MAD1L1: variants seen among roughly 807,000 people sequenced by gnomAD.
MAD1L1 encodes mitotic arrest deficient 1 like 1.
Under a neutral mutation model 96.9 loss-of-function variants are expected in MAD1L1, and 95 were observed. That is an observed-to-expected ratio of 0.98 (90% CI 0.83 to 1.16). MAD1L1 has a LOEUF of 1.16. MAD1L1 is among the 50% of genes most tolerant of loss of function. MAD1L1 has a pLI of 0.00. For synonymous variants in MAD1L1, 473 were observed against 396.6 expected (o/e 1.19, Z -2.29); for missense variants, 1,007 against 954.4 (o/e 1.06, Z -0.73).
Position 2,121,043 on chromosome 7 carries a change from C to T in MAD1L1, c.1073+28109G>A, listed in dbSNP as rs114777636. Among the ~76,000 whole-genome samples the T allele has an allele frequency of 9.3e-3, 1,415 of 152,292 alleles. 25 individuals carry two copies. The highest frequency in any genetic ancestry group is 0.032 in the African/African-American group (1,329 of 41,564). ...GGGCCCAAGTGGAGTCGCACGGTGA[C>T]GGCAGGGCTCCTGCAGAGGCACACC... On this transcript the variant is annotated intron_variant, in intron 11 of 18. Transcript: ENST00000265854.
chr7:1,832,630 T>TTTTG (rs56664541), intron 18 of MAD1L1, among the ~76,000 whole-genome samples: 1 of 2,346 alleles, frequency 4.3e-4, no homozygotes, highest in Admixed American at 5.4e-3. Flanking sequence ...TTTTTTTTTT[T>TTTTG]GGCGGGGGGG....
At chr7:2,210,296 T>C (rs999467991) in intron 10 of MAD1L1, among the ~76,000 whole-genome samples, 4 of 152,086 alleles carry the variant, frequency 2.6e-5, no homozygotes, top group South Asian at 2.1e-4. Flanking sequence ...ATCTCAAACA[T>C]CTAGGCTCGA....
At chr7:2,109,946 G>A (rs1458182453) in intron 11 of MAD1L1, among the ~76,000 whole-genome samples, 5 of 152,234 alleles carry the variant, frequency 3.3e-5, no homozygotes, top group Admixed American at 2.6e-4. Flanking sequence ...ACAGCGCAGA[G>A]GTCAGGCCAC....
intron 10 of MAD1L1, among the ~76,000 whole-genome samples, chr7:2,208,245 T>G (rs763333815): frequency 6.6e-6 from 1 of 152,110 alleles, no homozygotes; most frequent in East Asian, 1.9e-4. Flanking sequence ...ACATAACCCA[T>G]TTTGGTACAT....
intron 17 of MAD1L1, among the ~76,000 whole-genome samples, chr7:1,924,917 C>T (rs1222835055): frequency 6.6e-6 from 1 of 151,914 alleles, no homozygotes; most frequent in Non-Finnish European, 1.5e-5. Flanking sequence ...GTTAAGCTTG[C>T]ACATTGTAAA....
At chr7:1,825,848 G>C (rs543441393) in intron 18 of MAD1L1, among the ~76,000 whole-genome samples, 1 of 152,102 alleles carries the variant, frequency 6.6e-6, no homozygotes, top group Non-Finnish European at 1.5e-5. Context: ...CCCAGCCCCG[G>C]GGTTGGAGGT....
chr7:2,224,459 G>A (rs186407806), intron 4 of MAD1L1, among the ~76,000 whole-genome samples: 2 of 152,292 alleles, frequency 1.3e-5, no homozygotes, highest in African/African-American at 2.4e-5. Context: ...CCACCCCAGC[G>A]GTGCCTCAGT....
intron 12 of MAD1L1, among the ~76,000 whole-genome samples, chr7:2,039,143 G>T (rs917506153): frequency 1.5e-4 from 23 of 152,170 alleles, no homozygotes; most frequent in Admixed American, 1.5e-3. Flanking sequence ...TTCAGGGACT[G>T]GGCTCTTCGC....
chr7:1,896,379 C>T (rs1583691462), intron 18 of MAD1L1, among the ~76,000 whole-genome samples: 1 of 152,070 alleles, frequency 6.6e-6, no homozygotes, highest in East Asian at 1.9e-4. Flanking sequence ...GCGGCAGGGC[C>T]CATGCTCGAG....
intron 11 of MAD1L1, among the ~76,000 whole-genome samples, chr7:2,075,768 T>C (rs7811645): frequency 0.05 from 7,559 of 152,256 alleles, 642 homozygotes; most frequent in African/African-American, 0.17. Context: ...TATCCCAAAG[T>C]GGCAGGAGAC....
intron 12 of MAD1L1, among the ~76,000 whole-genome samples, chr7:2,049,606 C>T (rs1173780334): frequency 2.0e-5 from 3 of 152,258 alleles, no homozygotes; most frequent in Non-Finnish European, 4.4e-5. Flanking sequence ...CTGGACCTCA[C>T]AGACACCTGG....
At chr7:2,213,408 C>A in intron 9 of MAD1L1, 135 bp from the exon 10 acceptor site, 1 of 791,090 alleles carries the variant, frequency 1.3e-6, no homozygotes, top group South Asian at 1.5e-5. Context: ...CTGGGCGCTA[C>A]ATGCTCCAAG....
intron 11 of MAD1L1, among the ~76,000 whole-genome samples, chr7:2,124,766 T>G (rs900028541): frequency 1.3e-5 from 2 of 151,682 alleles, no homozygotes; most frequent in Admixed American, 1.3e-4. Context: ...TGCCCGGCGC[T>G]TGTGGGAGAA....
intron 15 of MAD1L1, among the ~76,000 whole-genome samples, chr7:1,974,860 G>A (rs1325976189): frequency 6.6e-6 from 1 of 152,268 alleles, no homozygotes; most frequent in Non-Finnish European, 1.5e-5. Context: ...TGGGGACCAG[G>A]GGACCAGGGG....
chr7:2,083,193 T>C (rs560666185), intron 11 of MAD1L1, among the ~76,000 whole-genome samples: 2 of 152,316 alleles, frequency 1.3e-5, no homozygotes, highest in African/African-American at 4.8e-5. Flanking sequence ...TTCGGAATTA[T>C]TAGTTTCCCT....
At chr7:1,873,975 C>T (rs1785243014) in intron 18 of MAD1L1, among the ~76,000 whole-genome samples, 1 of 151,452 alleles carries the variant, frequency 6.6e-6, no homozygotes, top group African/African-American at 2.4e-5. Flanking sequence ...GAGCACCCCA[C>T]GCCAGGGTCA....
chr7:2,171,403 C>G (rs1790698054), intron 10 of MAD1L1, among the ~76,000 whole-genome samples: 9 of 152,232 alleles, frequency 5.9e-5, no homozygotes, highest in Admixed American at 5.9e-4. Flanking sequence ...ACAAAGATTC[C>G]TCAACCTCAC....
At chr7:2,209,477 G>C (rs1443288383) in intron 10 of MAD1L1, among the ~76,000 whole-genome samples, 1 of 152,188 alleles carries the variant, frequency 6.6e-6, no homozygotes, top group Non-Finnish European at 1.5e-5. Context: ...GCAGGCATGG[G>C]ACAGCCAGAA....
rs778709161 is a variant in MAD1L1 at position 2,002,067 on chromosome 7, T to C, written c.1414A>G (p.Met472Val). Residue 472 changes from methionine (M) to valine (V), a missense_variant and splice_region_variant, in exon 14 of 19, where the codon ATG (methionine) becomes GTG (valine). Coordinates refer to ENST00000265854, the MANE Select transcript of MAD1L1 (RefSeq NM_001013836.2). The stretch of plus-strand genomic sequence containing the variant: ...AGCCACTCCCGCGTCTGACTCACCA[T>C]GTCTGCTCTTTGTTTCTGGCCTCCC... ...ELGGQKQRAD[M>V]LEMELKMLKS... 3.5e-5 allele frequency: 56 copies of C among 1,613,208 alleles called. No homozygotes were observed. The highest frequency in any genetic ancestry group is 2.0e-4 in the Admixed American group (12 of 60,010).
Sources: gnomAD v4.1 joint callset for allele counts (sites outside exome capture counted in the v4.1 genomes callset) on GRCh38, gnomAD v4.1.1 for gene constraint, MANE v1.5 for transcripts, NCBI Gene and HGNC (gene_info 2026-07-23, HGNC 2026-07-21) for gene names.